Variants in LAMB4 observed in about 807,000 individuals in gnomAD.
The protein encoded by LAMB4 is laminin subunit beta-4.
A neutral mutation model predicts 199.2 loss-of-function variants in LAMB4; 196 were observed. The observed-to-expected ratio is 0.98, with a 90% confidence interval of 0.88 to 1.11. The LOEUF (loss-of-function observed/expected upper bound fraction) is 1.11, where lower values mean the gene tolerates loss of function less well. LAMB4 is among the 50% of genes least tolerant of loss of function. The pLI, the probability that LAMB4 is intolerant of heterozygous loss-of-function variation, is 0.00. For synonymous variants in LAMB4, 744 were observed against 770.6 expected (o/e 0.97, Z 0.57); for missense variants, 2,080 against 2,171.2 (o/e 0.96, Z 0.83).
At chr7:108,048,158 CTTTTT>C (rs747991620) in intron 27 of LAMB4, 47 bp from the exon 28 acceptor site, 1,706 of 460,188 alleles carry the variant, frequency 3.7e-3, no homozygotes, top group East Asian at 5.3e-3. Flanking sequence ...GTTGTCAGAG[CTTTTT>C]TTTTTTTTTT....
chr7:108,123,203 T>A lies in LAMB4; in HGVS notation c.-33-6A>T. On this transcript the variant is annotated splice_polypyrimidine_tract_variant and splice_region_variant and intron_variant, in intron 1 of 33. Transcript: ENST00000388781. ...GATGATTAAATTCAATTCTACTGGG[T>A]TAAAAAAAGGTTAAAGTCAATCACT... The A allele has an allele frequency of 6.4e-7, 1 of 1,564,618 alleles. No homozygotes were observed. The highest frequency in any genetic ancestry group is 1.4e-5 in the African/African-American group (1 of 73,302).
intron 1 of LAMB4, among the ~76,000 whole-genome samples, chr7:108,129,711 C>T (rs111665071): frequency 5.9e-5 from 9 of 152,014 alleles, no homozygotes; most frequent in African/African-American, 2.2e-4. Context: ...ATAGTTTTTA[C>T]AGAGATGGGG....
intron 23 of LAMB4, among the ~76,000 whole-genome samples, chr7:108,061,911 T>C (rs753399546): frequency 5.9e-5 from 9 of 152,198 alleles, no homozygotes; most frequent in Admixed American, 1.3e-4. Context: ...AGGTGAGCCA[T>C]GCTTACTAAT....
intron 12 of LAMB4, among the ~76,000 whole-genome samples, chr7:108,092,955 C>G (rs992787294): frequency 6.6e-6 from 1 of 152,138 alleles, no homozygotes; most frequent in Non-Finnish European, 1.5e-5. Flanking sequence ...TGTAATGTGT[C>G]AAGTGGAAAA....
chr7:108,127,597 A>T (rs943023045), intron 1 of LAMB4, among the ~76,000 whole-genome samples: 3 of 152,124 alleles, frequency 2.0e-5, no homozygotes, highest in Non-Finnish European at 2.9e-5. Context: ...TGGTCACCCT[A>T]CCAGATGAGC....
At chr7:108,078,437 CAA>C (rs1286547649) in intron 15 of LAMB4, 121 bp from the exon 16 acceptor site, 3 of 628,798 alleles carry the variant, frequency 4.8e-6, no homozygotes, top group Non-Finnish European at 8.5e-6. Context: ...GGCCACTTGG[CAA>C]AGAGTTTTGG....
intron 2 of LAMB4, among the ~76,000 whole-genome samples, chr7:108,121,684 A>G (rs1175926871): frequency 6.6e-6 from 1 of 150,930 alleles, no homozygotes. Context: ...CAGGAGGTGG[A>G]GGTTGCAGTG....
chr7:108,057,001 G>T (rs558752435), intron 24 of LAMB4, among the ~76,000 whole-genome samples: 1 of 150,390 alleles, frequency 6.6e-6, no homozygotes, highest in South Asian at 2.1e-4. Flanking sequence ...GCATTTGTCA[G>T]TTTATGTAAA....
chr7:108,070,804 C>T (rs1272154124), intron 17 of LAMB4, among the ~76,000 whole-genome samples: 1 of 152,028 alleles, frequency 6.6e-6, no homozygotes, highest in Non-Finnish European at 1.5e-5. Context: ...TGTTGACACC[C>T]CTAACCCCCA....
At chr7:108,105,322 C>T (rs879562403) in intron 8 of LAMB4, among the ~76,000 whole-genome samples, 3 of 152,132 alleles carry the variant, frequency 2.0e-5, no homozygotes, top group African/African-American at 2.4e-5. Flanking sequence ...GAACATTTTA[C>T]GATATCAGAT....
chr7:108,117,610 C>G (rs1259452247), intron 2 of LAMB4, among the ~76,000 whole-genome samples: 1 of 151,904 alleles, frequency 6.6e-6, no homozygotes, highest in Non-Finnish European at 1.5e-5. Flanking sequence ...GAACCTCACA[C>G]AAGAAAGAAT....
chr7:108,124,317 T>C (rs1334184903), intron 1 of LAMB4, among the ~76,000 whole-genome samples: 1 of 152,212 alleles, frequency 6.6e-6, no homozygotes, highest in Non-Finnish European at 1.5e-5. Flanking sequence ...GATGTGTACT[T>C]GGTTTATAAT....
chr7:108,056,742 G>A (rs1166916402), intron 24 of LAMB4, among the ~76,000 whole-genome samples: 1 of 152,156 alleles, frequency 6.6e-6, no homozygotes, highest in African/African-American at 2.4e-5. Flanking sequence ...GGCTAAGGCA[G>A]GTGGATTGTT....
chr7:108,048,295 G>C (rs532772325), intron 27 of LAMB4, among the ~76,000 whole-genome samples, 184 bp from the exon 28 acceptor site: 2 of 151,340 alleles, frequency 1.3e-5, no homozygotes, highest in Non-Finnish European at 2.9e-5. Flanking sequence ...CTCCCAAGTA[G>C]CTGGGATTAC....
At position 108,104,509 on chromosome 7, in the gene LAMB4, G is replaced by A. The variant is rs376180226; in HGVS notation, c.981C>T (p.Asn327=). 7.1e-5 allele frequency: 114 copies of A among 1,614,146 alleles called. No individual in the cohort carries two copies. The highest frequency in any genetic ancestry group is 1.1e-4 in the East Asian group (5 of 44,886). ...CTGAGTTTCACCCACATCTGCAAGCGTTGTCCTGGAGGTCTGCAGCTGGCC... is the reference window on the plus strand; with the variant it reads ...CTGAGTTTCACCCACATCTGCAAGCATTGTCCTGGAGGTCTGCAGCTGGCC... ...PWRPAADLQD[N]ACRSCSCNSH... is the part of the protein sequence containing the mutation. The change falls in exon 9 of 34, where the codon AAC becomes AAT. Residue 327 remains asparagine (N), a synonymous_variant. Coordinates refer to ENST00000388781, the MANE Select transcript of LAMB4 (RefSeq NM_007356.3).
At chr7:108,114,188 G>C (rs532719034) in intron 3 of LAMB4, among the ~76,000 whole-genome samples, 6 of 152,310 alleles carry the variant, frequency 3.9e-5, no homozygotes, top group Admixed American at 1.3e-4. Context: ...TTGGGAGGCT[G>C]AGGCAGACGG....
Position 108,065,935 on chromosome 7 carries a change from C to T in LAMB4, c.2679-16G>A, listed in dbSNP as rs766021228. The T allele has an allele frequency of 6.2e-7, 1 of 1,606,978 alleles. No homozygotes were observed. The highest frequency in any genetic ancestry group is 1.7e-5 in the Admixed American group (1 of 58,754). Reference sequence around the variant, plus strand: ...ATCAATACACCTGTCAAGACAATTTCCTTTCACCAAAATGTTTCCAGGAAA... The same window carrying T: ...ATCAATACACCTGTCAAGACAATTTTCTTTCACCAAAATGTTTCCAGGAAA... On this transcript the variant is annotated splice_polypyrimidine_tract_variant and intron_variant, in intron 20 of 33. Coordinates refer to ENST00000388781, the MANE Select transcript of LAMB4 (RefSeq NM_007356.3).
At chr7:108,025,858 A>G (rs1051061216) in intron 33 of LAMB4, among the ~76,000 whole-genome samples, 2 of 152,168 alleles carry the variant, frequency 1.3e-5, no homozygotes, top group African/African-American at 2.4e-5. Context: ...GTTACACCAG[A>G]CCCATTCGCC....
At chr7:108,082,771 G>A (rs1368267750) in intron 14 of LAMB4, among the ~76,000 whole-genome samples, 1 of 152,156 alleles carries the variant, frequency 6.6e-6, no homozygotes, top group South Asian at 2.1e-4. Context: ...CCCAAGCCAA[G>A]ACAGTACATA....
Sources: gnomAD v4.1 joint callset for allele counts (sites outside exome capture counted in the v4.1 genomes callset) on GRCh38, gnomAD v4.1.1 for gene constraint, MANE v1.5 for transcripts, NCBI Gene and HGNC (gene_info 2026-07-23, HGNC 2026-07-21) for gene names.